The following CCDC88C variants were observed in gnomAD, a reference collection of about 807,000 sequenced individuals.
The protein encoded by CCDC88C is protein Daple.
A neutral mutation model predicts 198.8 loss-of-function variants in CCDC88C; 131 were observed. That is an observed-to-expected ratio of 0.66 (90% CI 0.57 to 0.76). The LOEUF (loss-of-function observed/expected upper bound fraction) is 0.76. Among genes scored for constraint, CCDC88C ranks in the 30% least tolerant of loss-of-function variants. CCDC88C has a pLI of 0.00. For missense variants in CCDC88C, 2,553 were observed against 2,631.6 expected, an observed-to-expected ratio of 0.97 and a Z score of 0.65; for synonymous variants, 1,166 against 1,114.7, an observed-to-expected ratio of 1.05 and a Z score of -0.92.
chr14:91,304,930 T>C (rs1891495307), intron 19 of CCDC88C, among the ~76,000 whole-genome samples: 1 of 152,210 alleles, frequency 6.6e-6, no homozygotes, highest in African/African-American at 2.4e-5. Flanking sequence ...AGATACATAT[T>C]TTCAAACTTT....
At chr14:91,383,021 G>A (rs1884899475) in intron 3 of CCDC88C, among the ~76,000 whole-genome samples, 2 of 152,106 alleles carry the variant, frequency 1.3e-5, no homozygotes, top group African/African-American at 2.4e-5. Flanking sequence ...CCTGCCTCCC[G>A]CAAAGCCTCA....
At chr14:91,408,037 CA>C (rs11300911) in intron 3 of CCDC88C, 72,485 of 150,270 alleles carry the variant, frequency 0.48, 17,567 homozygotes, top group East Asian at 0.56. Flanking sequence ...CTCGGCCTCC[CA>C]AAGTGCTGGG....
intron 17 of CCDC88C, 140 bp from the exon 18 acceptor site, chr14:91,307,366 C>T (rs751430925): frequency 6.1e-6 from 4 of 657,692 alleles, no homozygotes; most frequent in African/African-American, 1.8e-5. Flanking sequence ...AAGCCAGACG[C>T]GCTCCTTTTC....
intron 2 of CCDC88C, among the ~76,000 whole-genome samples, chr14:91,414,910 A>G (rs1748106581): frequency 6.6e-6 from 1 of 152,180 alleles, no homozygotes; most frequent in African/African-American, 2.4e-5. Flanking sequence ...GCCAAATGAG[A>G]ACAAGTGATG....
intron 22 of CCDC88C, among the ~76,000 whole-genome samples, chr14:91,295,899 T>G (rs1251554741): frequency 1.3e-5 from 2 of 152,176 alleles, no homozygotes; most frequent in Non-Finnish European, 2.9e-5. Context: ...CCAATCTGAC[T>G]GATGTCCTTT....
intron 3 of CCDC88C, among the ~76,000 whole-genome samples, chr14:91,360,071 G>C (rs1894237852): frequency 1.3e-5 from 2 of 152,210 alleles, no homozygotes; most frequent in African/African-American, 4.8e-5. Flanking sequence ...ACAGCAGTAT[G>C]ATGTTTCTTT....
At chr14:91,354,305 T>A (rs995938529) in intron 4 of CCDC88C, among the ~76,000 whole-genome samples, 1 of 152,232 alleles carries the variant, frequency 6.6e-6, no homozygotes, top group African/African-American at 2.4e-5. Flanking sequence ...TCTTTTCTTG[T>A]GCGTGTGGCA....
chr14:91,291,113 C>A, intron 23 of CCDC88C, 29 bp from the exon 24 acceptor site: 1 of 1,242,862 alleles, frequency 8.0e-7, no homozygotes, highest in South Asian at 1.3e-5. Flanking sequence ...GAAAACCTAT[C>A]AATCCAGTTT....
intron 4 of CCDC88C, among the ~76,000 whole-genome samples, chr14:91,355,397 A>C (rs1894000635): frequency 6.6e-6 from 1 of 152,172 alleles, no homozygotes; most frequent in African/African-American, 2.4e-5. Flanking sequence ...CGTCATATAA[A>C]AGTGAGGGCG....
intron 3 of CCDC88C, among the ~76,000 whole-genome samples, chr14:91,366,918 A>G (rs1372697034): frequency 1.3e-5 from 2 of 152,224 alleles, no homozygotes; most frequent in Non-Finnish European, 2.9e-5. Context: ...GCCTGCTCCA[A>G]CAAAAAGGTC....
intron 4 of CCDC88C, among the ~76,000 whole-genome samples, chr14:91,353,856 C>T (rs1431035035): frequency 1.3e-5 from 2 of 152,202 alleles, no homozygotes; most frequent in Non-Finnish European, 2.9e-5. Context: ...CAGACAGGAC[C>T]CTGTAGGGTG....
chr14:91,288,115 A>T lies in CCDC88C; in HGVS notation c.4441+990T>A, dbSNP rs2139739273. Among the ~76,000 whole-genome samples, 1 of 152,344 alleles carries T rather than the reference A, an allele frequency of 6.6e-6. No individual in the cohort carries two copies. Among genetic ancestry groups the T allele is most frequent in the African/African-American group, 2.4e-5 (1 of 41,590 alleles). Reference sequence around the variant, plus strand: ...TACAAAAATCGAATTCTTATTTAGAAAAGCTCTTTCAACAAGAGCGTAAGA... The same window carrying T: ...TACAAAAATCGAATTCTTATTTAGATAAGCTCTTTCAACAAGAGCGTAAGA... On this transcript the variant is annotated intron_variant, in intron 25 of 29. Transcript: ENST00000389857. This position sits in a 1 kb window ranked among gnomAD's most constrained non-coding sequence, Gnocchi z 4.2.
intron 13 of CCDC88C, among the ~76,000 whole-genome samples, chr14:91,319,222 G>T (rs1457994926): frequency 2.6e-5 from 4 of 152,202 alleles, no homozygotes; most frequent in African/African-American, 9.6e-5. Flanking sequence ...GAATGAGCAA[G>T]ACCTGTCGGC....
chr14:91,350,938 G>T (rs1893755973), intron 4 of CCDC88C, among the ~76,000 whole-genome samples: 1 of 152,180 alleles, frequency 6.6e-6, no homozygotes, highest in African/African-American at 2.4e-5. Flanking sequence ...CAGAAAGGCT[G>T]AGTCACAGAA....
intron 13 of CCDC88C, among the ~76,000 whole-genome samples, chr14:91,316,429 T>A (rs1892100494): frequency 6.6e-6 from 1 of 151,808 alleles, no homozygotes; most frequent in Non-Finnish European, 1.5e-5. Flanking sequence ...ACTCAACCTT[T>A]TTTTTTTTTT....
chr14:91,315,433 T>G (rs1212661480), intron 14 of CCDC88C, among the ~76,000 whole-genome samples: 1 of 152,066 alleles, frequency 6.6e-6, no homozygotes, highest in Non-Finnish European at 1.5e-5. Context: ...ATCAAAAATG[T>G]CTTGAGACAT....
intron 12 of CCDC88C, among the ~76,000 whole-genome samples, chr14:91,324,038 C>A (rs1387614170): frequency 2.0e-5 from 3 of 152,248 alleles, no homozygotes; most frequent in Non-Finnish European, 4.4e-5. Flanking sequence ...CCCATCACAC[C>A]CTGGAAAGTC....
intron 10 of CCDC88C, among the ~76,000 whole-genome samples, chr14:91,333,622 T>C (rs1892923309): frequency 6.6e-6 from 1 of 152,268 alleles, no homozygotes; most frequent in Non-Finnish European, 1.5e-5. Context: ...TGTTCTTCGC[T>C]TGCCTTTTTC....
intron 3 of CCDC88C, among the ~76,000 whole-genome samples, chr14:91,365,327 A>G (rs558428273): frequency 6.6e-6 from 1 of 152,324 alleles, no homozygotes; most frequent in African/African-American, 2.4e-5. Flanking sequence ...GGAAGGGACT[A>G]GGCTGGGAAG....
Sources: gnomAD v4.1 joint callset for allele counts (sites outside exome capture counted in the v4.1 genomes callset) on GRCh38, gnomAD v4.1.1 for gene constraint, Gnocchi (gnomAD v3.1) non-coding constraint, MANE v1.5 for transcripts, NCBI Gene and HGNC (gene_info 2026-07-23, HGNC 2026-07-21) for gene names.